MAP4: variants seen among roughly 807,000 people sequenced by gnomAD.
The protein encoded by MAP4 is microtubule associated protein 4, also known as microtubule-associated protein 4.
In MAP4, 76 loss-of-function variants were observed where a neutral mutation model predicts 170.2. The ratio of observed to expected loss-of-function variants is 0.45; its 90% CI spans 0.37 to 0.54. MAP4 has a LOEUF of 0.54. Among genes scored for constraint, MAP4 ranks in the 20% least tolerant of loss-of-function variants. MAP4 has a pLI of 0.00. For synonymous variants in MAP4, 909 were observed against 994.5 expected, an observed-to-expected ratio of 0.91 and a Z score of 1.62; for missense variants, 2,506 against 2,748.0, an observed-to-expected ratio of 0.91 and a Z score of 1.97.
At chr3:47,857,237 G>A (rs946823898) in intron 18 of MAP4, among the ~76,000 whole-genome samples, 194 bp downstream of exon 18, 3 of 152,206 alleles carry the variant, frequency 2.0e-5, no homozygotes, top group African/African-American at 7.2e-5. Context: ...GTAAGAAACT[G>A]CTCCTCCTCC....
chr3:48,056,476 C>T (rs1254079004), intron 1 of MAP4, among the ~76,000 whole-genome samples: 1 of 58,962 alleles, frequency 1.7e-5, no homozygotes, highest in Non-Finnish European at 3.5e-5. Flanking sequence ...CCGCCCCGTC[C>T]GGGAGGGAGG....
chr3:47,903,312 T>C (rs560438759), intron 9 of MAP4, among the ~76,000 whole-genome samples: 204 of 152,252 alleles, frequency 1.3e-3, no homozygotes, highest in Non-Finnish European at 2.5e-3. Context: ...GGCGGGCGGA[T>C]CACGAGGTCA....
intron 1 of MAP4, among the ~76,000 whole-genome samples, chr3:48,080,846 C>T (rs529732935): frequency 1.1e-3 from 163 of 152,118 alleles, no homozygotes; most frequent in Non-Finnish European, 1.9e-3. Flanking sequence ...GCCAGTTGGC[C>T]GGGCGCCCTG....
chr3:47,998,680 C>G lies in MAP4; in HGVS notation c.181G>C (p.Glu61Gln). 3 of 1,614,162 alleles carry G rather than the reference C, an allele frequency of 1.9e-6. No homozygotes were observed. Among genetic ancestry groups the G allele is most frequent in the Non-Finnish European group, 2.5e-6 (3 of 1,180,012 alleles). The stretch of plus-strand genomic sequence containing the variant: ...TCTGAGCACGGTTTCTTCTTTGACT[C>G]TGAGTTCCCGGTTTTCTCATCAACA... ...LDVDEKTGNS[E>Q]SKKKPCSETS... is the part of the protein sequence containing the mutation. Residue 61 changes from glutamate to glutamine, a missense_variant, in exon 2 of 21, where the codon GAG (glutamate) becomes CAG (glutamine). Transcript: ENST00000683076.
chr3:48,045,562 T>C (rs1201642139), intron 1 of MAP4, among the ~76,000 whole-genome samples: 1 of 152,086 alleles, frequency 6.6e-6, no homozygotes, highest in Non-Finnish European at 1.5e-5. Flanking sequence ...TCCCCCAGCG[T>C]CCCCTTCCAT....
chr3:48,067,442 C>A (rs2100138872), intron 1 of MAP4, among the ~76,000 whole-genome samples: 1 of 152,086 alleles, frequency 6.6e-6, no homozygotes, highest in Non-Finnish European at 1.5e-5. Context: ...AATTCTACCA[C>A]CTGAGCCTCC....
At position 47,852,548 on chromosome 3, in the gene MAP4, G is replaced by A. The variant is rs1301987861; in HGVS notation, c.*386C>T. On this transcript the variant is annotated 3_prime_UTR_variant, in exon 21 of 21. Transcript: ENST00000683076. Reference sequence around the variant, plus strand: ...GGTTTGGACCAAAGAACCAAAAAAAGATGAGGATAGAATCTGGTTCTCCTC... The same window carrying A: ...GGTTTGGACCAAAGAACCAAAAAAAAATGAGGATAGAATCTGGTTCTCCTC... The A allele has an allele frequency of 1.9e-6, 1 of 517,276 alleles. No homozygotes were observed. The highest frequency in any genetic ancestry group is 3.4e-6 in the Non-Finnish European group (1 of 298,176). 32.0% of individuals were successfully genotyped at this position (517,276 alleles called of 1,614,324 possible).
intron 1 of MAP4, among the ~76,000 whole-genome samples, chr3:48,060,546 G>GCTAA (rs1275663183): frequency 6.6e-6 from 1 of 152,120 alleles, no homozygotes; most frequent in African/African-American, 2.4e-5. Context: ...AAAATACACT[G>GCTAA]CTAAGAGAAT....
At chr3:47,947,129 A>T (rs1488628859) in intron 3 of MAP4, among the ~76,000 whole-genome samples, 1 of 152,238 alleles carries the variant, frequency 6.6e-6, no homozygotes, top group Non-Finnish European at 1.5e-5. Context: ...CTCCTTATAG[A>T]AGATTATTAG....
At chr3:48,041,883 C>A (rs1352615506) in intron 1 of MAP4, among the ~76,000 whole-genome samples, 2 of 152,078 alleles carry the variant, frequency 1.3e-5, no homozygotes. Flanking sequence ...CTATAATAGT[C>A]AAGACAATGT....
intron 9 of MAP4, among the ~76,000 whole-genome samples, chr3:47,906,802 A>T (rs1380059215): frequency 6.6e-6 from 1 of 151,768 alleles, no homozygotes; most frequent in Non-Finnish European, 1.5e-5. Flanking sequence ...GATTAAAAAA[A>T]AAAACAAAAA....
chr3:47,913,557 T>A (rs1460746835), intron 8 of MAP4, among the ~76,000 whole-genome samples: 3 of 152,220 alleles, frequency 2.0e-5, no homozygotes, highest in African/African-American at 7.2e-5. Context: ...AGAACTTATC[T>A]CTTCATTCAG....
intron 3 of MAP4, among the ~76,000 whole-genome samples, chr3:47,976,394 C>A (rs1016434730): frequency 6.6e-6 from 1 of 152,210 alleles, no homozygotes; most frequent in African/African-American, 2.4e-5. Flanking sequence ...AAGAAATCTA[C>A]TCGTTTTTGT....
intron 4 of MAP4, among the ~76,000 whole-genome samples, chr3:47,927,264 C>T (rs2100046582): frequency 6.6e-6 from 1 of 151,640 alleles, no homozygotes; most frequent in African/African-American, 2.4e-5. Flanking sequence ...TGGTACAGAA[C>T]ATCACATACT....
At chr3:48,064,350 C>A (rs2100137379) in intron 1 of MAP4, among the ~76,000 whole-genome samples, 1 of 152,112 alleles carries the variant, frequency 6.6e-6, no homozygotes, top group East Asian at 1.9e-4. Flanking sequence ...GTGGCCCCCA[C>A]CCAGGAACTG....
At chr3:47,929,178 A>T (rs979332621) in intron 3 of MAP4, among the ~76,000 whole-genome samples, 3 of 152,130 alleles carry the variant, frequency 2.0e-5, no homozygotes, top group Admixed American at 6.6e-5. Context: ...AACATGGTGA[A>T]ACCCTGTCTC....
At chr3:48,033,686 C>T (rs2100117332) in intron 1 of MAP4, among the ~76,000 whole-genome samples, 1 of 152,120 alleles carries the variant, frequency 6.6e-6, no homozygotes, top group South Asian at 2.1e-4. Flanking sequence ...CTGCAACCTC[C>T]GCCTCCGAGG....
intron 10 of MAP4, among the ~76,000 whole-genome samples, chr3:47,881,218 G>A (rs1285606871): frequency 1.3e-5 from 2 of 151,714 alleles, no homozygotes; most frequent in African/African-American, 4.8e-5. Context: ...GGGAGGCTGA[G>A]GCAGAGGATC....
At chr3:47,979,479 G>C (rs1016152610) in intron 2 of MAP4, among the ~76,000 whole-genome samples, 2 of 151,958 alleles carry the variant, frequency 1.3e-5, no homozygotes, top group Admixed American at 6.6e-5. Flanking sequence ...TTCTTGACAG[G>C]GAGTCTCTCT....
Sources: allele counts gnomAD v4.1 joint callset (sites outside exome capture counted in the v4.1 genomes callset), GRCh38; gene constraint gnomAD v4.1.1; transcripts MANE v1.5; gene names NCBI Gene and HGNC (gene_info 2026-07-23, HGNC 2026-07-21).